The following ZNF827 variants were observed in gnomAD, a reference collection of about 807,000 sequenced individuals.
The protein encoded by ZNF827 is zinc finger protein 827.
ZNF827 carries 13 observed loss-of-function variants against 102.4 expected under a neutral mutation model. That is an observed-to-expected ratio of 0.13 (90% CI 0.08 to 0.20). ZNF827 has a LOEUF of 0.20. Among genes scored for constraint, ZNF827 ranks in the 10% least tolerant of loss-of-function variants. ZNF827 has a pLI of 1.00. For synonymous variants in ZNF827, 523 were observed against 536.2 expected (o/e 0.98, Z 0.34); for missense variants, 1,103 against 1,344.4 (o/e 0.82, Z 2.81).
chr4:145,774,597 C>T lies in ZNF827; in HGVS notation c.2769G>A (p.Glu923=). 6.2e-7 allele frequency: 1 copy of T among 1,613,742 alleles called. No homozygotes were observed. Residue 923 remains glutamate (E), a synonymous_variant, in exon 11 of 15, where the codon GAG becomes GAA. Transcript: ENST00000508784. ...VSHMSLHVDK[E]QWMFSICCTA... ...TGCAGCAGATCGAAAACATCCACTG[C>T]TCCTTGTCCACGTGGAGTGACATGT...
Position 145,823,370 on chromosome 4 carries a change from A to G in ZNF827, c.2383+52T>C, listed in dbSNP as rs576249957. ...TCTGAAAATTCACACATTTCAGAAAAGTAATTCTTAAGCAATCAACAGTAG... is the reference window on the plus strand; with the variant it reads ...TCTGAAAATTCACACATTTCAGAAAGGTAATTCTTAAGCAATCAACAGTAG... On this transcript the variant is annotated intron_variant, in intron 8 of 14. Transcript: ENST00000508784. 11 of 1,443,024 alleles carry G rather than the reference A, an allele frequency of 7.6e-6. No homozygotes were observed. The South Asian group carries it at 1.3e-4, about 17-fold the overall frequency. 89.4% of individuals were successfully genotyped at this position (1,443,024 alleles called of 1,614,324 possible).
At chr4:145,843,100 T>C (rs1032266533) in intron 7 of ZNF827, among the ~76,000 whole-genome samples, 1 of 152,012 alleles carries the variant, frequency 6.6e-6, no homozygotes, top group African/African-American at 2.4e-5. Flanking sequence ...ATCAGTTAAC[T>C]CAGGTTAAAG....
chr4:145,765,539 C>T lies in ZNF827; in HGVS notation c.3052+8G>A. On this transcript the variant is annotated splice_region_variant and intron_variant, in intron 12 of 14. Transcript: ENST00000508784. This position sits in a 1 kb window ranked among gnomAD's most constrained non-coding sequence, Gnocchi z 4.7. ...GGTTGAGCAGGCTCACACCCACCTC[C>T]TCCTTACCTTTCTCTGGCTTTTCCT... 1.2e-6 allele frequency: 2 copies of T among 1,608,114 alleles called. No individual in the cohort carries two copies. The highest frequency in any genetic ancestry group is 2.2e-5 in the South Asian group (2 of 89,816).
chr4:145,812,874 C>T (rs1321883143), intron 8 of ZNF827, among the ~76,000 whole-genome samples: 1 of 152,170 alleles, frequency 6.6e-6, no homozygotes, highest in Admixed American at 6.5e-5. Context: ...GGACAGTCGT[C>T]CCCTCCTCTG....
intron 1 of ZNF827, among the ~76,000 whole-genome samples, chr4:145,922,993 T>A (rs915282136): frequency 2.0e-5 from 3 of 152,218 alleles, no homozygotes; most frequent in African/African-American, 4.8e-5. Flanking sequence ...ATATTTTTTT[T>A]ATATTTTATA....
chr4:145,917,812 T>C (rs1427799758), intron 1 of ZNF827, among the ~76,000 whole-genome samples: 2 of 152,000 alleles, frequency 1.3e-5, no homozygotes, highest in Admixed American at 6.6e-5. Context: ...TTCTTGACCT[T>C]TTGGGTGACT....
intron 3 of ZNF827, among the ~76,000 whole-genome samples, chr4:145,886,727 A>T (rs1440873811): frequency 6.7e-6 from 1 of 149,042 alleles, no homozygotes. Context: ...GCGAAATTAC[A>T]TACAAAAAAA....
intron 8 of ZNF827, among the ~76,000 whole-genome samples, chr4:145,807,504 G>A (rs1297335005): frequency 6.7e-6 from 1 of 149,396 alleles, no homozygotes; most frequent in East Asian, 2.0e-4. Flanking sequence ...ACATAGTCTC[G>A]CTCTGTCGCC....
Position 145,902,064 on chromosome 4 carries a change from C to T in ZNF827, c.1093+102G>A. 4.2e-6 allele frequency: 6 copies of T among 1,434,232 alleles called. No homozygotes were observed. The highest frequency in any genetic ancestry group is 5.6e-6 in the Non-Finnish European group (6 of 1,074,604). The allele number at this position is 1,434,232 out of a possible 1,614,324, so 88.8% of individuals were successfully genotyped here. A position where few individuals can be genotyped will look rare whatever the true frequency, so the allele number is the denominator to read the frequency against. The stretch of plus-strand genomic sequence containing the variant: ...TGTGCTCTTGCTTTTTTATTCCTGC[C>T]TCAGATCAGATGGGGAACCCAACTG... On this transcript the variant is annotated intron_variant, in intron 2 of 14. Coordinates refer to ENST00000508784, the MANE Select transcript of ZNF827 (RefSeq NM_001306215.2). The surrounding 1 kb of genome is among the most constrained non-coding windows in gnomAD (Gnocchi z 4.3).
chr4:145,818,692 G>T (rs1742838778), intron 8 of ZNF827, among the ~76,000 whole-genome samples: 1 of 152,142 alleles, frequency 6.6e-6, no homozygotes, highest in Non-Finnish European at 1.5e-5. Context: ...GGCCTGAGTT[G>T]GGAAGTCTTA....
intron 1 of ZNF827, among the ~76,000 whole-genome samples, chr4:145,912,055 C>T (rs1334597907): frequency 1.3e-5 from 2 of 152,130 alleles, no homozygotes; most frequent in Non-Finnish European, 1.5e-5. Context: ...CAAGTTGAAA[C>T]CCAAATATTC....
At chr4:145,921,613 C>G (rs764997150) in intron 1 of ZNF827, among the ~76,000 whole-genome samples, 1 of 151,286 alleles carries the variant, frequency 6.6e-6, no homozygotes, top group Non-Finnish European at 1.5e-5. Flanking sequence ...ACCAACAAAA[C>G]TGGGTGGGGA....
At chr4:145,767,730 T>C (rs1352713717) in intron 11 of ZNF827, among the ~76,000 whole-genome samples, 1 of 152,210 alleles carries the variant, frequency 6.6e-6, no homozygotes, top group Non-Finnish European at 1.5e-5. Flanking sequence ...TACTGAAAGA[T>C]ACACTGTCAA....
chr4:145,807,088 GGA>G lies in ZNF827; in HGVS notation c.2383+16332_2383+16333del, dbSNP rs1193079600. ...TTCACATCTTTATTAATAACTTACA[GGA>G]TGTGTAACTTTAACGTTTCTGAAAT... On this transcript the variant is annotated intron_variant, in intron 8 of 14. Transcript: ENST00000508784. 3.2e-4 allele frequency among the ~76,000 whole-genome samples: 49 copies of G among 152,328 alleles called. 2 individuals carry two copies. In the South Asian group the frequency reaches 0.01, roughly 32 times the overall value.
intron 1 of ZNF827, among the ~76,000 whole-genome samples, chr4:145,906,800 T>C (rs1000026999): frequency 1.3e-5 from 2 of 152,272 alleles, no homozygotes; most frequent in African/African-American, 2.4e-5. Context: ...AATGCCTAGA[T>C]AATTTCTCAA....
intron 7 of ZNF827, among the ~76,000 whole-genome samples, chr4:145,842,558 GA>G (rs1745522283): frequency 2.0e-5 from 3 of 152,182 alleles, no homozygotes; most frequent in African/African-American, 7.2e-5. Flanking sequence ...AATTGTGAGG[GA>G]AGCTGTGGGT....
intron 8 of ZNF827, among the ~76,000 whole-genome samples, chr4:145,787,746 T>C (rs1739096420): frequency 6.6e-6 from 1 of 152,170 alleles, no homozygotes; most frequent in African/African-American, 2.4e-5. Context: ...TCTATCAAAC[T>C]CTGTTTGACA....
intron 5 of ZNF827, among the ~76,000 whole-genome samples, chr4:145,860,826 T>C (rs1747645187): frequency 6.6e-6 from 1 of 152,214 alleles, no homozygotes; most frequent in Non-Finnish European, 1.5e-5. Flanking sequence ...GGAAACACTT[T>C]TAAATCATTT....
At chr4:145,891,728 C>T (rs1443258065) in intron 3 of ZNF827, among the ~76,000 whole-genome samples, 3 of 152,144 alleles carry the variant, frequency 2.0e-5, no homozygotes, top group Non-Finnish European at 4.4e-5. Flanking sequence ...GTTAAAGGCC[C>T]GGTGCCTTCA....
Sources: allele counts gnomAD v4.1 joint callset (sites outside exome capture counted in the v4.1 genomes callset), GRCh38; gene constraint gnomAD v4.1.1; non-coding constraint Gnocchi (gnomAD v3.1); transcripts MANE v1.5; gene names NCBI Gene and HGNC (gene_info 2026-07-23, HGNC 2026-07-21).